Variants in YEATS4 observed in about 807,000 individuals in gnomAD.
YEATS4 encodes the protein YEATS domain-containing protein 4.
YEATS4 carries 17 observed loss-of-function variants against 30.1 expected under a neutral mutation model. The ratio of observed to expected loss-of-function variants is 0.56; its 90% CI spans 0.39 to 0.85. YEATS4 has a LOEUF of 0.85. YEATS4 is among the 40% of genes least tolerant of loss of function. The probability of loss-of-function intolerance (pLI) is 0.00; values close to 1 mark genes in which losing one functional copy is unlikely to be tolerated. For missense variants in YEATS4, 142 were observed against 268.3 expected (o/e 0.53, Z 3.29); for synonymous variants, 85 against 87.5 (o/e 0.97, Z 0.16).
At chr12:69,362,756 A>G in intron 1 of YEATS4, 32 bp from the exon 2 acceptor site, 1 of 1,538,014 alleles carries the variant, frequency 6.5e-7, no homozygotes, top group African/African-American at 1.4e-5. Flanking sequence ...ATGGTACAAT[A>G]TTCATTTATT....
chr12:69,390,052 A>T lies in YEATS4; in HGVS notation c.515-95A>T, dbSNP rs975304968. 4 of 1,016,638 alleles carry T rather than the reference A, an allele frequency of 3.9e-6. No homozygotes were observed. In the African/African-American group the frequency reaches 5.1e-5, roughly 13 times the overall value. The allele number at this position is 1,016,638 out of a possible 1,614,324, so 63.0% of individuals were successfully genotyped here. ...TTAAGTTATCCACATTTCATCATGG[A>T]AACATTGTCGTCAGGAAATGCCATA... is the stretch of plus-strand genomic sequence containing the variant. On this transcript the variant is annotated intron_variant, in intron 6 of 6. Coordinates refer to ENST00000247843, the MANE Select transcript of YEATS4 (RefSeq NM_006530.4).
chr12:69,393,864 A>T (rs902523212), downstream of YEATS4, among the ~76,000 whole-genome samples: 1 of 152,348 alleles, frequency 6.6e-6, no homozygotes, highest in Non-Finnish European at 1.5e-5. Flanking sequence ...AGAGAAAATC[A>T]TTTTTTCTCC....
chr12:69,400,120 A>G, the YEATS4 span, among the ~76,000 whole-genome samples: 1 of 151,994 alleles, frequency 6.6e-6, no homozygotes, highest in Non-Finnish European at 1.5e-5. Flanking sequence ...TATGTGAATT[A>G]TATCTCAATT....
chr12:69,361,853 A>G (rs1476513548), intron 1 of YEATS4, among the ~76,000 whole-genome samples: 1 of 152,222 alleles, frequency 6.6e-6, no homozygotes, highest in Non-Finnish European at 1.5e-5. Flanking sequence ...GTCATCAGCC[A>G]CTATTTACCA....
intron 6 of YEATS4, among the ~76,000 whole-genome samples, chr12:69,389,236 G>A (rs1868286822): frequency 6.6e-6 from 1 of 152,010 alleles, no homozygotes; most frequent in South Asian, 2.1e-4. Context: ...GATTGCCTGA[G>A]CTCAGGAGTT....
At chr12:69,404,236 T>C in the YEATS4 span, among the ~76,000 whole-genome samples, 1 of 152,182 alleles carries the variant, frequency 6.6e-6, no homozygotes, top group East Asian at 1.9e-4. Flanking sequence ...TTAACTTATC[T>C]CCTATTTCAA....
intron 1 of YEATS4, among the ~76,000 whole-genome samples, chr12:69,360,426 G>T (rs1875149012): frequency 6.6e-6 from 1 of 152,152 alleles, no homozygotes; most frequent in South Asian, 2.1e-4. Context: ...GTCGCTGAGC[G>T]CTTACCCGCA....
the YEATS4 span, among the ~76,000 whole-genome samples, chr12:69,396,155 T>C: frequency 6.6e-6 from 1 of 152,222 alleles, no homozygotes; most frequent in Non-Finnish European, 1.5e-5. Context: ...GCTTCATTGC[T>C]CTTTAGTAAT....
At chr12:69,373,195 GT>G (rs1251584841) in intron 6 of YEATS4, among the ~76,000 whole-genome samples, 2 of 151,990 alleles carry the variant, frequency 1.3e-5, no homozygotes, top group Non-Finnish European at 2.9e-5. Context: ...TCTATTTTTT[GT>G]TTTTTGAGGA....
chr12:69,377,419 CCTTT>C (rs1290394734), intron 6 of YEATS4, among the ~76,000 whole-genome samples: 4 of 150,552 alleles, frequency 2.7e-5, no homozygotes, highest in African/African-American at 5.0e-5. Context: ...CTCCTTCCCT[CCTTT>C]CTTTCTTTCT....
chr12:69,389,999 C>T, intron 6 of YEATS4, 148 bp from the exon 7 acceptor site: 1 of 581,946 alleles, frequency 1.7e-6, no homozygotes, highest in Non-Finnish European at 2.8e-6. Context: ...CCTCCCCCAA[C>T]CTGCACCCAT....
chr12:69,363,989 A>G (rs1035417886), intron 2 of YEATS4, among the ~76,000 whole-genome samples: 5 of 152,256 alleles, frequency 3.3e-5, no homozygotes, highest in African/African-American at 1.2e-4. Flanking sequence ...GCTTTTATTT[A>G]TATGAAATGT....
At chr12:69,414,704 A>G in the YEATS4 span, among the ~76,000 whole-genome samples, 2 of 152,204 alleles carry the variant, frequency 1.3e-5, no homozygotes, top group East Asian at 1.9e-4. Context: ...AGGTAGGACA[A>G]TGCACTGACT....
the YEATS4 span, among the ~76,000 whole-genome samples, chr12:69,402,934 G>C: frequency 6.6e-6 from 1 of 151,700 alleles, no homozygotes; most frequent in African/African-American, 2.4e-5. Flanking sequence ...TATTGGTCAG[G>C]CTGGTCTTGA....
chr12:69,365,178 G>T (rs183999028), intron 2 of YEATS4, among the ~76,000 whole-genome samples: 6 of 151,840 alleles, frequency 4.0e-5, no homozygotes, highest in African/African-American at 1.5e-4. Context: ...GGCCAGGTGC[G>T]GTGGCTCACG....
intron 6 of YEATS4, among the ~76,000 whole-genome samples, chr12:69,384,758 G>C (rs888471909): frequency 3.9e-5 from 6 of 152,100 alleles, no homozygotes; most frequent in African/African-American, 1.2e-4. Context: ...TTTAATTTCT[G>C]CATTTCCAAA....
chr12:69,371,366 A>C (rs1875631554), intron 6 of YEATS4, among the ~76,000 whole-genome samples: 1 of 152,204 alleles, frequency 6.6e-6, no homozygotes. Flanking sequence ...AGTTTATCTT[A>C]TATTTTTGCT....
the YEATS4 span, among the ~76,000 whole-genome samples, chr12:69,419,215 CTTTT>C: frequency 8.6e-6 from 1 of 116,582 alleles, no homozygotes. Flanking sequence ...TCCTATTTTA[CTTTT>C]TTTTTTTTTT....
At position 69,359,749 on chromosome 12, in the gene YEATS4, T is replaced by C. The variant is rs1806954243; in HGVS notation, c.-224T>C. Reference sequence around the variant, plus strand: ...CGCGGTGCGGCCGTCGCCCCTCTTTTCGCGGCGTTCTCCACCTGCGCGGGC... The same window carrying C: ...CGCGGTGCGGCCGTCGCCCCTCTTTCCGCGGCGTTCTCCACCTGCGCGGGC... On this transcript the variant is annotated 5_prime_UTR_variant, in exon 1 of 7. Coordinates refer to ENST00000247843, the MANE Select transcript of YEATS4 (RefSeq NM_006530.4). The C allele has an allele frequency of 2.7e-5, 15 of 553,378 alleles. No individual in the cohort carries two copies. Among genetic ancestry groups the C allele is most frequent in the Non-Finnish European group, 4.7e-5 (15 of 317,280 alleles). 34.3% of individuals were successfully genotyped at this position (553,378 alleles called of 1,614,324 possible).
Sources: allele counts gnomAD v4.1 joint callset (sites outside exome capture counted in the v4.1 genomes callset), GRCh38; gene constraint gnomAD v4.1.1; transcripts MANE v1.5; gene names NCBI Gene and HGNC (gene_info 2026-07-23, HGNC 2026-07-21).